TMEM128: variants seen among roughly 807,000 people sequenced by gnomAD.
The protein encoded by TMEM128 is transmembrane protein 128.
Under a neutral mutation model 19.7 loss-of-function variants are expected in TMEM128, and 16 were observed. That is an observed-to-expected ratio of 0.81 (90% CI 0.55 to 1.23). The LOEUF (loss-of-function observed/expected upper bound fraction) is 1.23, where lower values mean the gene tolerates loss of function less well. Among genes scored for constraint, TMEM128 ranks in the 50% most tolerant of loss-of-function variants. The pLI is 0.00. For synonymous variants in TMEM128, 98 were observed against 75.8 expected (o/e 1.29, Z -1.52); for missense variants, 237 against 200.8 (o/e 1.18, Z -1.09).
At chr4:4,247,739 G>C (rs1718247031) in intron 1 of TMEM128, 1 of 1,574,690 alleles carries the variant, frequency 6.4e-7, no homozygotes, top group African/African-American at 1.4e-5. Context: ...TCTGCTGACG[G>C]GCAAGGCAGA....
chr4:4,247,468 A>C lies in TMEM128; in HGVS notation c.97+638T>G, dbSNP rs528333522. The C allele has an allele frequency of 8.1e-6, 10 of 1,239,094 alleles. No homozygotes were observed. The East Asian group carries it at 2.5e-4, about 31-fold the overall frequency. 76.8% of individuals were successfully genotyped at this position (1,239,094 alleles called of 1,614,324 possible). A position where few individuals can be genotyped will look rare whatever the true frequency, so the allele number is the denominator to read the frequency against. On this transcript the variant is annotated intron_variant, in intron 1 of 4. Transcript: ENST00000382753. The stretch of plus-strand genomic sequence containing the variant: ...TGGTTTTAAAACATATGAGATAAAA[A>C]ATATCCAAAATGAAGTATCTGTCTC...
chr4:4,240,956 A>C (rs943329442), intron 2 of TMEM128, among the ~76,000 whole-genome samples: 33 of 152,214 alleles, frequency 2.2e-4, no homozygotes, highest in African/African-American at 7.2e-4. Flanking sequence ...GCAAGCCTGT[A>C]ATCCAATCTT....
At position 4,236,858 on chromosome 4, in the gene TMEM128, G is replaced by C. The variant is rs150946778; in HGVS notation, c.*10-602C>G. On this transcript the variant is annotated intron_variant, in intron 4 of 4. Transcript: ENST00000382753. ...TTAGCGTATTAACTTTTATTTCCATGAGCTTCAGTTTCCACACCTGTCAAC... is the reference window on the plus strand; with the variant it reads ...TTAGCGTATTAACTTTTATTTCCATCAGCTTCAGTTTCCACACCTGTCAAC... 2.1e-3 allele frequency among the ~76,000 whole-genome samples: 325 copies of C among 152,266 alleles called. 1 individual carries two copies. Among genetic ancestry groups the C allele is most frequent in the African/African-American group, 7.5e-3 (313 of 41,542 alleles).
intron 1 of TMEM128, 45 bp downstream of exon 1, chr4:4,248,061 C>T (rs1212674062): frequency 2.6e-5 from 40 of 1,531,494 alleles, no homozygotes; most frequent in Non-Finnish European, 3.4e-5. Flanking sequence ...CGTTTTCCGA[C>T]GCCTCGCCTC....
At chr4:4,240,531 A>AT (rs746215375) in intron 2 of TMEM128, 52 bp from the exon 3 acceptor site, 2 of 1,564,790 alleles carry the variant, frequency 1.3e-6, no homozygotes, top group Non-Finnish European at 1.7e-6. Flanking sequence ...GAATCGTCAC[A>AT]TATCTTAAAA....
chr4:4,238,318 A>T (rs1164422975), intron 3 of TMEM128, among the ~76,000 whole-genome samples: 11 of 152,232 alleles, frequency 7.2e-5, no homozygotes, highest in Non-Finnish European at 1.5e-4. Flanking sequence ...GTCTCTTAAA[A>T]ACAGAATGAA....
rs201453309 is a variant in TMEM128, at chr4:4,240,405, C to A, written c.314G>T (p.Trp105Leu). The change falls in exon 3 of 5, where the codon TGG becomes TTG. Residue 105 changes from tryptophan (W) to leucine (L), a missense_variant. Coordinates refer to ENST00000382753, the MANE Select transcript of TMEM128 (RefSeq NM_001297551.2). ...ATCATATTCTCCAATTCCACAATAC[C>A]ATTCCAGGTAGACTATGCAGTAAAA... ...IAFYCIVYLEWYCGIGEYDVK... is the reference protein window; with the variant it reads ...IAFYCIVYLELYCGIGEYDVK... 1 of 1,613,870 alleles carries A rather than the reference C, an allele frequency of 6.2e-7. No homozygotes were observed. The highest frequency in any genetic ancestry group is 8.5e-7 in the Non-Finnish European group (1 of 1,179,962).
intron 2 of TMEM128, among the ~76,000 whole-genome samples, chr4:4,241,656 T>C (rs868005694): frequency 4.6e-5 from 7 of 152,168 alleles, no homozygotes; most frequent in South Asian, 2.1e-4. Flanking sequence ...TTCGGAGTCA[T>C]GAGAGGCTGT....
chr4:4,247,470 T>C, intron 1 of TMEM128: 3 of 1,245,050 alleles, frequency 2.4e-6, no homozygotes, highest in African/African-American at 3.3e-5. Flanking sequence ...AGATAAAAAA[T>C]ATCCAAAATG....
intron 2 of TMEM128, among the ~76,000 whole-genome samples, chr4:4,241,466 A>G (rs575855892): frequency 1.3e-5 from 2 of 152,094 alleles, no homozygotes; most frequent in East Asian, 1.9e-4. Context: ...CATTCTCCCA[A>G]CTCAATCCAA....
At chr4:4,247,726 C>T (rs1718246474) in intron 1 of TMEM128, 1 of 1,589,074 alleles carries the variant, frequency 6.3e-7, no homozygotes, top group Admixed American at 1.8e-5. Context: ...ACTTAAACAG[C>T]TTTCTGCTGA....
At chr4:4,241,880 T>C (rs887612249) in intron 2 of TMEM128, among the ~76,000 whole-genome samples, 1 of 152,148 alleles carries the variant, frequency 6.6e-6, no homozygotes, top group Non-Finnish European at 1.5e-5. Context: ...TAATCATTAT[T>C]ATTCCACTCA....
chr4:4,236,715 C>A (rs1379123226), intron 4 of TMEM128, among the ~76,000 whole-genome samples: 1 of 152,250 alleles, frequency 6.6e-6, no homozygotes, highest in Non-Finnish European at 1.5e-5. Context: ...AGACTGCTAA[C>A]AATGAGAGTA....
intron 2 of TMEM128, among the ~76,000 whole-genome samples, chr4:4,240,943 G>A (rs1717933861): frequency 1.3e-5 from 2 of 152,216 alleles, no homozygotes; most frequent in Non-Finnish European, 2.9e-5. Context: ...CAGGCGTGGT[G>A]GCGCAAGCCT....
At position 4,247,999 on chromosome 4, in the gene TMEM128, C is replaced by G. The variant is rs569133038; in HGVS notation, c.97+107G>C. On this transcript the variant is annotated intron_variant, in intron 1 of 4. Coordinates refer to ENST00000382753, the MANE Select transcript of TMEM128 (RefSeq NM_001297551.2). The stretch of plus-strand genomic sequence containing the variant: ...TCCCTGACATTAAATATTCGACTTG[C>G]AAAGCCGAAACTCAGTCCTTCCAGA... 2.7e-6 allele frequency: 4 copies of G among 1,467,542 alleles called. No individual in the cohort carries two copies. In the African/African-American group the frequency reaches 4.3e-5, roughly 16 times the overall value. The allele number at this position is 1,467,542 out of a possible 1,614,324, so 90.9% of individuals were successfully genotyped here.
chr4:4,244,009 T>A (rs185737586), intron 2 of TMEM128, among the ~76,000 whole-genome samples: 2 of 152,268 alleles, frequency 1.3e-5, no homozygotes, highest in Admixed American at 1.3e-4. Flanking sequence ...CGCCTACACT[T>A]ACAAAGCACA....
chr4:4,240,052 A>G (rs1205339203), intron 3 of TMEM128, among the ~76,000 whole-genome samples: 2 of 152,190 alleles, frequency 1.3e-5, no homozygotes, highest in Non-Finnish European at 2.9e-5. Flanking sequence ...TCACTTTTCT[A>G]TATGTACTGT....
chr4:4,241,976 C>T (rs1332982302), intron 2 of TMEM128, among the ~76,000 whole-genome samples: 2 of 152,200 alleles, frequency 1.3e-5, no homozygotes, highest in African/African-American at 2.4e-5. Flanking sequence ...AATCTCAGCT[C>T]ACTGCAACCT....
intron 3 of TMEM128, among the ~76,000 whole-genome samples, chr4:4,238,502 A>G (rs184285201): frequency 1.1e-4 from 16 of 152,354 alleles, no homozygotes; most frequent in Admixed American, 7.2e-4. Flanking sequence ...GTTTTAATAT[A>G]TAATAGTTTG....
Sources: gnomAD v4.1 joint callset for allele counts (sites outside exome capture counted in the v4.1 genomes callset) on GRCh38, gnomAD v4.1.1 for gene constraint, MANE v1.5 for transcripts, NCBI Gene and HGNC (gene_info 2026-07-23, HGNC 2026-07-21) for gene names.